Variants in CNTN5 observed in about 807,000 individuals in gnomAD.
CNTN5 encodes the protein contactin-5.
CNTN5 carries 77 observed loss-of-function variants against 129.1 expected under a neutral mutation model. The observed-to-expected ratio is 0.60, with a 90% confidence interval of 0.50 to 0.72. The LOEUF (loss-of-function observed/expected upper bound fraction) is 0.72, where lower values mean the gene tolerates loss of function less well. Ranked by LOEUF, CNTN5 falls within the 30% of genes least tolerant of loss-of-function variation. The pLI, the probability that CNTN5 is intolerant of heterozygous loss-of-function variation, is 0.00. For missense variants in CNTN5, 1,478 were observed against 1,328.8 expected (o/e 1.11, Z -1.75); for synonymous variants, 509 against 465.6 (o/e 1.09, Z -1.20).
intron 6 of CNTN5, among the ~76,000 whole-genome samples, chr11:99,887,298 T>A (rs748982128): frequency 6.6e-6 from 1 of 152,166 alleles, no homozygotes; most frequent in Non-Finnish European, 1.5e-5. Context: ...TTCATAAAGA[T>A]TGGCAGAGAT....
chr11:99,545,175 T>C (rs1407919511), intron 2 of CNTN5, among the ~76,000 whole-genome samples: 1 of 152,234 alleles, frequency 6.6e-6, no homozygotes, highest in African/African-American at 2.4e-5. Flanking sequence ...AAAGGTTTAA[T>C]GTGGAAATGA....
chr11:99,278,984 G>A (rs753018260), intron 1 of CNTN5, among the ~76,000 whole-genome samples: 4 of 151,484 alleles, frequency 2.6e-5, no homozygotes, highest in Non-Finnish European at 5.9e-5. Context: ...AAAAATCAGG[G>A]CCTTAGGTAT....
At chr11:99,755,090 A>G (rs1305697620) in intron 3 of CNTN5, among the ~76,000 whole-genome samples, 1 of 152,162 alleles carries the variant, frequency 6.6e-6, no homozygotes, top group Non-Finnish European at 1.5e-5. Context: ...TCTTGTTAGC[A>G]ATGAAAAATA....
intron 1 of CNTN5, among the ~76,000 whole-genome samples, chr11:99,034,377 C>G (rs1204476922): frequency 1.3e-5 from 2 of 151,638 alleles, no homozygotes; most frequent in African/African-American, 4.8e-5. Context: ...TGGTAGAATT[C>G]GGCTGTGAAT....
intron 16 of CNTN5, among the ~76,000 whole-genome samples, chr11:100,239,614 A>G (rs891617677): frequency 1.3e-5 from 2 of 152,212 alleles, no homozygotes; most frequent in African/African-American, 4.8e-5. Context: ...AACACCACCA[A>G]TGACACTAAA....
chr11:99,739,537 ATC>A (rs1314655807), intron 3 of CNTN5, among the ~76,000 whole-genome samples: 1 of 152,130 alleles, frequency 6.6e-6, no homozygotes, highest in African/African-American at 2.4e-5. Flanking sequence ...AATAAAACAC[ATC>A]TCTCTGAAAA....
intron 6 of CNTN5, among the ~76,000 whole-genome samples, chr11:99,909,366 C>T (rs1949594088): frequency 6.6e-6 from 1 of 152,102 alleles, no homozygotes; most frequent in Non-Finnish European, 1.5e-5. Flanking sequence ...GTTGGTGGGA[C>T]TGTAAACCAC....
intron 2 of CNTN5, among the ~76,000 whole-genome samples, chr11:99,484,733 T>C (rs1176499022): frequency 6.6e-6 from 1 of 151,938 alleles, no homozygotes; most frequent in Non-Finnish European, 1.5e-5. Context: ...ATAATCATTC[T>C]CTGTTACACG....
At chr11:99,951,916 A>G (rs1950686394) in intron 7 of CNTN5, among the ~76,000 whole-genome samples, 1 of 152,196 alleles carries the variant, frequency 6.6e-6, no homozygotes, top group Non-Finnish European at 1.5e-5. Context: ...TAGATTATAG[A>G]TACATTTCTA....
At chr11:100,337,439 A>G in intron 21 of CNTN5, 1 of 753,556 alleles carries the variant, frequency 1.3e-6, no homozygotes, top group Admixed American at 1.7e-5. Flanking sequence ...CTGTGGCCCA[A>G]AATCAGGTGT....
intron 3 of CNTN5, among the ~76,000 whole-genome samples, chr11:99,684,736 A>T (rs7116305): frequency 0.24 from 36,649 of 151,510 alleles, 4,642 homozygotes; most frequent in South Asian, 0.32. Flanking sequence ...TAATTTTCGT[A>T]TGTCTTGTCA....
chr11:99,912,331 G>A (rs189197643), intron 6 of CNTN5, among the ~76,000 whole-genome samples: 3 of 152,118 alleles, frequency 2.0e-5, no homozygotes, highest in East Asian at 1.9e-4. Context: ...CATGAGTGTG[G>A]CTGTGACAAG....
chr11:100,272,646 C>T (rs545586280), intron 18 of CNTN5, among the ~76,000 whole-genome samples: 471 of 152,216 alleles, frequency 3.1e-3, no homozygotes, highest in Admixed American at 4.0e-3. Flanking sequence ...ACAGGGAAGG[C>T]ACTGAGAGTG....
At chr11:100,351,343 T>G (rs1952406885) in intron 24 of CNTN5, among the ~76,000 whole-genome samples, 1 of 151,658 alleles carries the variant, frequency 6.6e-6, no homozygotes, top group Admixed American at 6.6e-5. Context: ...TTAACAATAT[T>G]AATAATTGCT....
intron 15 of CNTN5, among the ~76,000 whole-genome samples, chr11:100,218,309 A>G (rs141221253): frequency 9.3e-4 from 141 of 152,378 alleles, no homozygotes; most frequent in African/African-American, 3.1e-3. Context: ...CTAAAAAAAG[A>G]CTTCAAGTCA....
intron 16 of CNTN5, among the ~76,000 whole-genome samples, chr11:100,251,420 T>C (rs917041221): frequency 2.0e-5 from 3 of 152,154 alleles, no homozygotes; most frequent in African/African-American, 7.2e-5. Flanking sequence ...ATCTTTTCTT[T>C]GTGTTGGGAA....
At chr11:99,911,548 A>T (rs533822349) in intron 6 of CNTN5, among the ~76,000 whole-genome samples, 1 of 151,914 alleles carries the variant, frequency 6.6e-6, no homozygotes, top group African/African-American at 2.4e-5. Context: ...TATATTTAAC[A>T]TACGTAAGAT....
At chr11:99,205,065 C>A (rs1392654981) in intron 1 of CNTN5, among the ~76,000 whole-genome samples, 1 of 151,984 alleles carries the variant, frequency 6.6e-6, no homozygotes, top group African/African-American at 2.4e-5. Context: ...ATTTTAAAAT[C>A]AAACTTACCA....
intron 1 of CNTN5, among the ~76,000 whole-genome samples, chr11:99,284,600 GGTGTGTGTGTGTGTGT>G (rs71046675): frequency 0.1 from 12,484 of 124,736 alleles, 752 homozygotes; most frequent in African/African-American, 0.17. Context: ...AGAGATGAGT[GGTGTGTGTGTGTGTGT>G]GTGTGTGTGT....
Sources: gnomAD v4.1 joint callset for allele counts (sites outside exome capture counted in the v4.1 genomes callset) on GRCh38, gnomAD v4.1.1 for gene constraint, MANE v1.5 for transcripts, NCBI Gene and HGNC (gene_info 2026-07-23, HGNC 2026-07-21) for gene names.